Variants in LAMA4 observed in about 807,000 individuals in gnomAD.
The protein encoded by LAMA4 is laminin subunit alpha-4.
In LAMA4, 127 loss-of-function variants were observed where a neutral mutation model predicts 207.1. That is an observed-to-expected ratio of 0.61 (90% CI 0.53 to 0.71). The LOEUF (loss-of-function observed/expected upper bound fraction) is 0.71, where lower values mean the gene tolerates loss of function less well. LAMA4 is among the 30% of genes least tolerant of loss of function. The probability of loss-of-function intolerance (pLI) is 0.00; values close to 1 mark genes in which losing one functional copy is unlikely to be tolerated. For synonymous variants in LAMA4, 761 were observed against 816.0 expected (o/e 0.93, Z 1.15); for missense variants, 2,093 against 2,246.5 (o/e 0.93, Z 1.38).
chr6:112,222,895 G>T (rs940793767), intron 2 of LAMA4, among the ~76,000 whole-genome samples: 1 of 152,144 alleles, frequency 6.6e-6, no homozygotes, highest in Non-Finnish European at 1.5e-5. Context: ...TGGGTTTGAG[G>T]ATGATTGTAT....
Position 112,141,428 on chromosome 6 carries a change from C to A in LAMA4, c.2743G>T (p.Val915Leu). Residue 915 changes from valine to leucine, a missense_variant, in exon 21 of 39, where the codon GTG (valine) becomes TTG (leucine). Transcript: ENST00000230538. ...VYVYNLGTKD[V>L]EIPLDSKPVS... is the part of the protein sequence containing the mutation. Reference sequence around the variant, plus strand: ...GGCTTGGAGTCCAGGGGAATCTCCACATCTTTAGTTCCCAAATTATAGACG... The same window carrying A: ...GGCTTGGAGTCCAGGGGAATCTCCAAATCTTTAGTTCCCAAATTATAGACG... 6.2e-7 allele frequency: 1 copy of A among 1,613,288 alleles called. No homozygotes were observed. The highest frequency in any genetic ancestry group is 8.5e-7 in the Non-Finnish European group (1 of 1,179,202).
chr6:112,113,852 A>G (rs1777847476), intron 38 of LAMA4, among the ~76,000 whole-genome samples: 1 of 152,124 alleles, frequency 6.6e-6, no homozygotes, highest in Non-Finnish European at 1.5e-5. Flanking sequence ...GGAAAGAAAA[A>G]AATAAGCAAA....
chr6:112,113,323 C>T (rs1369675786), intron 38 of LAMA4, among the ~76,000 whole-genome samples: 1 of 152,128 alleles, frequency 6.6e-6, no homozygotes, highest in Non-Finnish European at 1.5e-5. Context: ...TTAAAAACTC[C>T]CCACCAAGTT....
intron 2 of LAMA4, among the ~76,000 whole-genome samples, chr6:112,217,444 G>A (rs1166914007): frequency 6.6e-6 from 1 of 152,124 alleles, no homozygotes; most frequent in Non-Finnish European, 1.5e-5. Flanking sequence ...GACTTACAGA[G>A]TCCAAGATTT....
At position 112,114,127 on chromosome 6, in the gene LAMA4, T is replaced by C; in HGVS notation, c.5275A>G (p.Asn1759Asp). The change falls in exon 38 of 39, where the codon AAT becomes GAT. Residue 1759 changes from asparagine (N) to aspartate (D), a missense_variant. Around this residue, in one of 3 missense-constraint regions of LAMA4, gnomAD observed 383 missense variants for 437.8 expected, o/e 0.87. Transcript: ENST00000230538. ...TCCCTGTGATCAATTGGTTTTGGATTCAGGGGTCCAACCACATGGTTCACT... is the reference window on the plus strand; with the variant it reads ...TCCCTGTGATCAATTGGTTTTGGATCCAGGGGTCCAACCACATGGTTCACT... Reference protein sequence around the residue: ...SEVNHVVGPLNPKPIDHREPV... With the variant: ...SEVNHVVGPLDPKPIDHREPV... 4 of 1,613,954 alleles carry C rather than the reference T, an allele frequency of 2.5e-6. No homozygotes were observed. The highest frequency in any genetic ancestry group is 3.4e-6 in the Non-Finnish European group (4 of 1,179,852).
chr6:112,209,163 A>G (rs1334855146), intron 3 of LAMA4, among the ~76,000 whole-genome samples: 5 of 152,142 alleles, frequency 3.3e-5, no homozygotes, highest in African/African-American at 1.2e-4. Flanking sequence ...GCCATAAACA[A>G]TCTGGCAGGG....
intron 2 of LAMA4, among the ~76,000 whole-genome samples, chr6:112,224,733 T>C (rs918922237): frequency 4.0e-5 from 6 of 151,108 alleles, no homozygotes; most frequent in Non-Finnish European, 8.8e-5. Context: ...GGGGAATCAC[T>C]TGAATCCGGG....
At chr6:112,253,602 G>GT in intron 2 of LAMA4, 1 of 773,206 alleles carries the variant, frequency 1.3e-6, no homozygotes, top group South Asian at 1.6e-5. Flanking sequence ...GGGCACACAC[G>GT]TTAAGTGCCG....
chr6:112,155,791 C>A, intron 14 of LAMA4, 85 bp from the exon 15 acceptor site: 1 of 1,464,430 alleles, frequency 6.8e-7, no homozygotes. Context: ...TTAAATACTT[C>A]TAGGATCACA....
At chr6:112,225,456 A>C (rs781872477) in intron 2 of LAMA4, among the ~76,000 whole-genome samples, 17 of 152,240 alleles carry the variant, frequency 1.1e-4, no homozygotes, top group Non-Finnish European at 2.9e-5. Context: ...GGAATTCCTC[A>C]AGGATCAGAG....
chr6:112,142,250 C>G lies in LAMA4; in HGVS notation c.2536G>C (p.Val846Leu), dbSNP rs1554333507. 6.2e-7 allele frequency: 1 copy of G among 1,614,102 alleles called. No individual in the cohort carries two copies. Among genetic ancestry groups the G allele is most frequent in the Non-Finnish European group, 8.5e-7 (1 of 1,179,994 alleles). Residue 846 changes from valine to leucine, a missense_variant, in exon 20 of 39, where the codon GTG (valine) becomes CTG (leucine). By Grantham distance (32) the Val-to-Leu change is conservative. Transcript: ENST00000230538. ...TCATCCATACTGGTTCTCGAGTGCA[C>G]TTCCACAGCTGACTGGCCATCAAAC... ...MMFDGQSAVE[V>L]HSRTSMDDLK... is the part of the protein sequence containing the mutation.
intron 8 of LAMA4, among the ~76,000 whole-genome samples, chr6:112,186,254 A>G (rs1782677309): frequency 6.6e-6 from 1 of 152,132 alleles, no homozygotes; most frequent in South Asian, 2.1e-4. Context: ...TTATTCAGGA[A>G]ACTGAGGAAT....
At chr6:112,207,405 A>G (rs1784121540) in intron 3 of LAMA4, among the ~76,000 whole-genome samples, 1 of 152,136 alleles carries the variant, frequency 6.6e-6, no homozygotes, top group Non-Finnish European at 1.5e-5. Flanking sequence ...GTTTGTGTGC[A>G]GAGGAGATTA....
chr6:112,227,592 G>A (rs1182211722), intron 2 of LAMA4, among the ~76,000 whole-genome samples: 1 of 152,152 alleles, frequency 6.6e-6, no homozygotes, highest in Non-Finnish European at 1.5e-5. Flanking sequence ...AGATTGAGAC[G>A]CTTGTGTATA....
Position 112,207,089 on chromosome 6 carries a change from G to T in LAMA4, c.354C>A (p.Ile118=). 6.2e-7 allele frequency: 1 copy of T among 1,613,926 alleles called. No individual in the cohort carries two copies. The highest frequency in any genetic ancestry group is 1.1e-5 in the South Asian group (1 of 91,080). Residue 118 remains isoleucine, a synonymous_variant, in exon 4 of 39, where the codon ATC becomes ATA. Coordinates refer to ENST00000230538, the MANE Select transcript of LAMA4 (RefSeq NM_001105206.3). The part of the protein sequence containing the change: ...EHCEKCLDGY[I]GDSIRGAPQF... ...GGGGTGCTCCCCTGATGGAATCTCC[G>T]ATATAACCATCCAGACACTTTTCAC...
chr6:112,174,219 C>T (rs577451360), intron 11 of LAMA4, among the ~76,000 whole-genome samples: 3 of 152,268 alleles, frequency 2.0e-5, no homozygotes, highest in African/African-American at 7.2e-5. Flanking sequence ...TGCTGAGCTC[C>T]AAGCCTAGGC....
chr6:112,248,498 CA>C (rs550634848), intron 2 of LAMA4, among the ~76,000 whole-genome samples: 13,057 of 102,964 alleles, frequency 0.13, 401 homozygotes, highest in Middle Eastern at 0.21. Flanking sequence ...GACTCTGTCT[CA>C]AAAAAAAAAA....
intron 7 of LAMA4, chr6:112,188,761 C>T (rs1002317795): frequency 1.4e-5 from 3 of 217,916 alleles, no homozygotes; most frequent in Admixed American, 5.2e-5. Context: ...ATTGTTTGTA[C>T]GTCGTATTTT....
intron 28 of LAMA4, 128 bp downstream of exon 28, chr6:112,132,625 C>T: frequency 2.4e-6 from 2 of 841,618 alleles, no homozygotes; most frequent in Non-Finnish European, 3.8e-6. Context: ...ATGAGGCATT[C>T]TGTGTGTCTA....
Sources: gnomAD v4.1 joint callset for allele counts (sites outside exome capture counted in the v4.1 genomes callset) on GRCh38, gnomAD v4.1.1 for gene constraint, gnomAD v4.1.1 regional missense constraint, MANE v1.5 for transcripts, NCBI Gene and HGNC (gene_info 2026-07-23, HGNC 2026-07-21) for gene names.